The following BAIAP2L1 variants were observed in gnomAD, a reference collection of about 807,000 sequenced individuals.
BAIAP2L1 encodes BAR/IMD domain-containing adapter protein 2-like 1.
Under a neutral mutation model 66.3 loss-of-function variants are expected in BAIAP2L1, and 35 were observed. The observed-to-expected ratio is 0.53, with a 90% confidence interval of 0.40 to 0.70. The LOEUF is 0.70. Ranked by LOEUF, BAIAP2L1 falls within the 30% of genes least tolerant of loss-of-function variation. The pLI, the probability that BAIAP2L1 is intolerant of heterozygous loss-of-function variation, is 0.00. For synonymous variants in BAIAP2L1, 269 were observed against 248.7 expected (o/e 1.08, Z -0.77); for missense variants, 622 against 656.9 (o/e 0.95, Z 0.58).
chr7:98,369,933 A>T (rs2115757662), intron 1 of BAIAP2L1, among the ~76,000 whole-genome samples: 1 of 152,096 alleles, frequency 6.6e-6, no homozygotes, highest in East Asian at 1.9e-4. Flanking sequence ...CAGCCTCCCA[A>T]AGTGCTGGGA....
At chr7:98,378,199 A>G (rs1802677770) in intron 1 of BAIAP2L1, among the ~76,000 whole-genome samples, 1 of 128,342 alleles carries the variant, frequency 7.8e-6, no homozygotes. Flanking sequence ...AGTACCATAC[A>G]CTATTTCTCA....
chr7:98,378,593 T>C (rs1262987942), intron 1 of BAIAP2L1, among the ~76,000 whole-genome samples: 1 of 152,222 alleles, frequency 6.6e-6, no homozygotes, highest in African/African-American at 2.4e-5. Context: ...ATATTCCCTG[T>C]TTACTCTCTG....
At chr7:98,370,106 G>GA (rs372532846) in intron 1 of BAIAP2L1, among the ~76,000 whole-genome samples, 9 of 148,902 alleles carry the variant, frequency 6.0e-5, no homozygotes, top group African/African-American at 1.5e-4. Context: ...ACCAGAGGGG[G>GA]AAAAAAAAAA....
chr7:98,349,786 T>TTTTG (rs899535201), intron 3 of BAIAP2L1, among the ~76,000 whole-genome samples: 35 of 150,980 alleles, frequency 2.3e-4, no homozygotes, highest in East Asian at 1.4e-3. Context: ...GATGGGAAGT[T>TTTTG]TTTGTTTGTT....
At chr7:98,378,192 AC>A (rs1327296696) in intron 1 of BAIAP2L1, among the ~76,000 whole-genome samples, 1 of 144,518 alleles carries the variant, frequency 6.9e-6, no homozygotes, top group Admixed American at 7.3e-5. Flanking sequence ...AAAAAAAAGT[AC>A]CATACACTAT....
intron 8 of BAIAP2L1, among the ~76,000 whole-genome samples, chr7:98,310,923 T>C (rs544322376): frequency 1.3e-5 from 2 of 152,148 alleles, no homozygotes; most frequent in African/African-American, 2.4e-5. Context: ...TGACCTCAAG[T>C]GATCTGCCCG....
intron 1 of BAIAP2L1, among the ~76,000 whole-genome samples, chr7:98,397,082 A>C (rs1171668992): frequency 6.6e-6 from 1 of 150,808 alleles, no homozygotes; most frequent in Admixed American, 6.6e-5. Context: ...AAAGAAACAT[A>C]AATAAATACA....
chr7:98,294,096 T>G lies in BAIAP2L1; in HGVS notation c.1438A>C (p.Thr480Pro), dbSNP rs149794421. The G allele has an allele frequency of 7.4e-6, 12 of 1,614,142 alleles. No individual in the cohort carries two copies. The African/African-American group carries it at 1.3e-4, about 18-fold the overall frequency. ...TACCTGAGAAAAGGCGGCTTTGCAGTCCCGTTGGCATCGTTCTGTGAGAAA... is the reference window on the plus strand; with the variant it reads ...TACCTGAGAAAAGGCGGCTTTGCAGGCCCGTTGGCATCGTTCTGTGAGAAA... ...ETAAPNDANG[T>P]AKPPFLSGEN... The change falls in exon 13 of 14, where the codon ACT becomes CCT. Residue 480 changes from threonine to proline, a missense_variant. Coordinates refer to ENST00000005260, the MANE Select transcript of BAIAP2L1 (RefSeq NM_018842.5).
intron 1 of BAIAP2L1, among the ~76,000 whole-genome samples, chr7:98,397,221 T>G (rs1486165705): frequency 6.9e-6 from 1 of 145,554 alleles, no homozygotes; most frequent in Non-Finnish European, 1.5e-5. Context: ...ACTGAAAGGC[T>G]TCTGTGATAT....
chr7:98,387,543 C>T (rs775896253), intron 1 of BAIAP2L1, among the ~76,000 whole-genome samples: 1 of 152,022 alleles, frequency 6.6e-6, no homozygotes, highest in Non-Finnish European at 1.5e-5. Context: ...TCTTACTATG[C>T]GCCACCACGA....
intron 12 of BAIAP2L1, among the ~76,000 whole-genome samples, chr7:98,302,331 CACTT>C (rs1276662155): frequency 2.6e-5 from 4 of 152,184 alleles, no homozygotes; most frequent in East Asian, 1.9e-4. Context: ...TCAGTGCTCT[CACTT>C]ACAATGCCAG....
At chr7:98,393,067 A>G (rs1803092821) in intron 1 of BAIAP2L1, among the ~76,000 whole-genome samples, 2 of 99,026 alleles carry the variant, frequency 2.0e-5, no homozygotes, top group South Asian at 2.8e-4. Context: ...ATGTACACAT[A>G]TATGTATACA....
chr7:98,314,885 CAT>C lies in BAIAP2L1; in HGVS notation c.639+573_639+574del, dbSNP rs541559816. Among the ~76,000 whole-genome samples the C allele has an allele frequency of 3.0e-3, 462 of 152,288 alleles. 2 individuals carry two copies. The highest frequency in any genetic ancestry group is 0.017 in the Middle Eastern group (5 of 294). Reference sequence around the variant, plus strand: ...CTGACTCGCAGGTGAGAAGAGCAAACATGTGCTATTTTTCAATGATGAAGCAT... The same window carrying C: ...CTGACTCGCAGGTGAGAAGAGCAAACGTGCTATTTTTCAATGATGAAGCAT... On this transcript the variant is annotated intron_variant, in intron 7 of 13. Transcript: ENST00000005260.
At chr7:98,320,151 T>C (rs546194292) in intron 4 of BAIAP2L1, 22 bp from the exon 5 acceptor site, 3 of 1,602,338 alleles carry the variant, frequency 1.9e-6, no homozygotes, top group Non-Finnish European at 2.6e-6. Context: ...AGGAAATAAA[T>C]TCATACCAGG....
At chr7:98,316,171 G>C (rs923828376) in intron 6 of BAIAP2L1, among the ~76,000 whole-genome samples, 13 of 152,196 alleles carry the variant, frequency 8.5e-5, no homozygotes, top group African/African-American at 3.1e-4. Context: ...GCTCTCCTTT[G>C]CCTGCTGCCA....
chr7:98,392,366 C>T (rs909249927), intron 1 of BAIAP2L1, among the ~76,000 whole-genome samples: 1 of 152,036 alleles, frequency 6.6e-6, no homozygotes, highest in African/African-American at 2.4e-5. Flanking sequence ...GTCTACCTAA[C>T]TGGCTAGAGT....
At chr7:98,342,041 ATT>A (rs142061599) in intron 3 of BAIAP2L1, among the ~76,000 whole-genome samples, 43,461 of 95,726 alleles carry the variant, frequency 0.45, 7,774 homozygotes, top group Middle Eastern at 0.65. Flanking sequence ...TTTTTTTCTG[ATT>A]TTTTTTTTTT....
chr7:98,293,262 T>G lies in BAIAP2L1; in HGVS notation c.*259A>C, dbSNP rs1019417757. On this transcript the variant is annotated 3_prime_UTR_variant, in exon 14 of 14. Transcript: ENST00000005260. ...ATACAGTAAAGATTGAAACCAAGTT[T>G]ACTGTTTCTTGAACAGAATAGGAAG... 13 of 389,390 alleles carry G rather than the reference T, an allele frequency of 3.3e-5. No homozygotes were observed. Among genetic ancestry groups the G allele is most frequent in the African/African-American group, 2.2e-4 (11 of 48,924 alleles). The allele number at this position is 389,390 out of a possible 1,614,324, so 24.1% of individuals were successfully genotyped here.
chr7:98,299,997 T>C (rs779137210), intron 12 of BAIAP2L1, among the ~76,000 whole-genome samples: 8 of 152,130 alleles, frequency 5.3e-5, no homozygotes, highest in Non-Finnish European at 1.2e-4. Context: ...ACCAAGATCA[T>C]GCCACTGCAC....
Sources: allele counts gnomAD v4.1 joint callset (sites outside exome capture counted in the v4.1 genomes callset), GRCh38; gene constraint gnomAD v4.1.1; transcripts MANE v1.5; gene names NCBI Gene and HGNC (gene_info 2026-07-23, HGNC 2026-07-21).